Variants in STK3 observed in about 807,000 individuals in gnomAD.
The protein encoded by STK3 is serine/threonine-protein kinase 3.
In STK3, 41 loss-of-function variants were observed where a neutral mutation model predicts 58.0. That is an observed-to-expected ratio of 0.71 (90% confidence interval 0.55 to 0.92). The LOEUF is 0.92. Ranked by LOEUF, STK3 falls within the 40% of genes least tolerant of loss-of-function variation. STK3 has a pLI of 0.00. For missense variants in STK3, 479 were observed against 602.7 expected (o/e 0.79, Z 2.15); for synonymous variants, 170 against 191.0 (o/e 0.89, Z 0.91).
At position 98,713,695 on chromosome 8, in the gene STK3, G is replaced by A. The variant is rs185775421; in HGVS notation, c.352-6384C>T. Among the ~76,000 whole-genome samples the A allele has an allele frequency of 1.8e-3, 280 of 152,232 alleles. 1 individual carries two copies. The highest frequency in any genetic ancestry group is 6.4e-3 in the African/African-American group (265 of 41,538). ...GGATTCACAGCTGAATTCTACCAGA[G>A]GTACAAGGAGGAGCTGGTATCATTC... is the stretch of plus-strand genomic sequence containing the variant. On this transcript the variant is annotated intron_variant, in intron 4 of 10. Coordinates refer to ENST00000419617, the MANE Select transcript of STK3 (RefSeq NM_006281.4).
In STK3 at chr8:98,526,790, G is replaced by A. The variant is rs368603614; in HGVS notation, c.1269C>T (p.Asn423=). 24 of 1,586,906 alleles carry A rather than the reference G, an allele frequency of 1.5e-5. No homozygotes were observed. Among genetic ancestry groups the A allele is most frequent in the African/African-American group, 1.2e-4 (9 of 74,444 alleles). ...GAACTTTCCAGTTATCAGGAAAAACGTTTTTGGACATAGGGAAGGGTTCAT... is the reference window on the plus strand; with the variant it reads ...GAACTTTCCAGTTATCAGGAAAAACATTTTTGGACATAGGGAAGGGTTCAT... ...NMHEPFPMSK[N]VFPDNWKVPQ... The change falls in exon 10 of 11, where the codon AAC becomes AAT. Residue 423 remains asparagine, a synonymous_variant. Coordinates refer to ENST00000419617, the MANE Select transcript of STK3 (RefSeq NM_006281.4).
At position 98,632,923 on chromosome 8, in the gene STK3, T is replaced by C. The variant is rs1044201006; in HGVS notation, c.685-36754A>G. ...CTTCCCAGTTATTAAAAAATGCAAA[T>C]GAAAATTATGTACCCCAAATTTGTA... On this transcript the variant is annotated intron_variant, in intron 6 of 10. Coordinates refer to ENST00000419617, the MANE Select transcript of STK3 (RefSeq NM_006281.4). 7.1e-4 allele frequency among the ~76,000 whole-genome samples: 108 copies of C among 152,156 alleles called. 1 individual carries two copies. Among genetic ancestry groups the C allele is most frequent in the African/African-American group, 2.6e-3 (107 of 41,516 alleles).
chr8:98,398,904 TAAC>T (rs1238833490), downstream of STK3, among the ~76,000 whole-genome samples: 2 of 152,188 alleles, frequency 1.3e-5, no homozygotes, highest in Non-Finnish European at 2.9e-5. Context: ...CATCAACAGG[TAAC>T]AAAATATTTT....
rs71572029 is a variant in STK3, at chr8:98,903,487, GTTCTTCTTCTTC to G, written c.-78-19665_-78-19654del. ...TTATATTTCCACTTCAATTTAGGAAGTTCTTCTTCTTCTTCTTCTTCTTCTTCTTCTTCTTCT... is the reference window on the plus strand; with the variant it reads ...TTATATTTCCACTTCAATTTAGGAAGTTCTTCTTCTTCTTCTTCTTCTTCT... On this transcript the variant is annotated intron_variant, in intron 1 of 1. Coordinates refer to the STK3 transcript ENST00000519420. 2.0e-3 allele frequency among the ~76,000 whole-genome samples: 277 copies of G among 139,724 alleles called. 4 individuals are homozygous for G. Among genetic ancestry groups the G allele is most frequent in the Middle Eastern group, 3.8e-3 (1 of 266 alleles). The allele number at this position is 139,724 out of a possible 152,430, so 91.7% of individuals were successfully genotyped here.
intron 6 of STK3, among the ~76,000 whole-genome samples, chr8:98,652,123 C>G (rs1224745423): frequency 6.6e-6 from 1 of 152,220 alleles, no homozygotes; most frequent in East Asian, 1.9e-4. Context: ...CTCAGACCAA[C>G]AGCGGATCTC....
intron 6 of STK3, among the ~76,000 whole-genome samples, chr8:98,604,737 A>ATGAAATTTT (rs1816637454): frequency 6.6e-6 from 1 of 152,110 alleles, no homozygotes; most frequent in Non-Finnish European, 1.5e-5. Flanking sequence ...CTTTTCTACC[A>ATGAAATTTT]CATGGCTGGG....
In STK3 at chr8:98,428,478, G is replaced by A. The variant is rs765619596; in HGVS notation, n.483+5649C>T. 6.8e-6 allele frequency: 11 copies of A among 1,613,984 alleles called. No homozygotes were observed. The African/African-American group carries it at 1.1e-4, about 16-fold the overall frequency. On this transcript the variant is annotated intron_variant and non_coding_transcript_variant, in intron 3 of 3. Coordinates refer to the STK3 transcript ENST00000517832. This position sits in a 1 kb window ranked among gnomAD's most constrained non-coding sequence, Gnocchi z 6.7. ...CTCCAAGTTCGATGGGCAGCCCCTC[G>A]GCAACTTCCGCAGGCAGCTGTGGCT...
chr8:98,698,066 A>G (rs1189736535), intron 6 of STK3, among the ~76,000 whole-genome samples: 1 of 152,198 alleles, frequency 6.6e-6, no homozygotes, highest in Non-Finnish European at 1.5e-5. Flanking sequence ...GTGCATATAT[A>G]TTTAAGACAG....
chr8:98,435,419 A>C (rs1818451866), intron 2 of STK3, among the ~76,000 whole-genome samples: 1 of 152,222 alleles, frequency 6.6e-6, no homozygotes, highest in African/African-American at 2.4e-5. Context: ...GAAGAGCCTG[A>C]GCTTCATTCT....
intron 10 of STK3, among the ~76,000 whole-genome samples, chr8:98,524,587 T>C (rs980251440): frequency 6.6e-6 from 1 of 152,238 alleles, no homozygotes; most frequent in Admixed American, 6.5e-5. Context: ...TTCCTAAGTA[T>C]CTCATTCTTT....
At chr8:98,587,517 A>G (rs1380211939) in intron 7 of STK3, among the ~76,000 whole-genome samples, 3 of 152,146 alleles carry the variant, frequency 2.0e-5, no homozygotes, top group Non-Finnish European at 4.4e-5. Context: ...TTTACTTCAA[A>G]GTATGTGGTC....
intron 6 of STK3, among the ~76,000 whole-genome samples, chr8:98,631,548 C>A (rs1370865300): frequency 6.6e-6 from 1 of 152,198 alleles, no homozygotes; most frequent in African/African-American, 2.4e-5. Flanking sequence ...ATTAGACAGG[C>A]CTTTCTTGAC....
At chr8:98,508,581 T>C (rs2131394089) in intron 10 of STK3, among the ~76,000 whole-genome samples, 1 of 152,296 alleles carries the variant, frequency 6.6e-6, no homozygotes. Flanking sequence ...AAACTGTATA[T>C]GTACTAAACA....
intron 1 of STK3, among the ~76,000 whole-genome samples, chr8:98,885,101 T>G (rs1294198069): frequency 1.3e-5 from 2 of 152,260 alleles, no homozygotes; most frequent in Non-Finnish European, 2.9e-5. Flanking sequence ...TCATTGTAAC[T>G]GGCCACATTA....
the STK3 span, among the ~76,000 whole-genome samples, chr8:98,358,851 A>G: frequency 0.2 from 31,161 of 152,050 alleles, 3,417 homozygotes; most frequent in Middle Eastern, 0.35. Flanking sequence ...GGAGATAAGC[A>G]TCAAGAGGAA....
At chr8:98,652,536 C>A (rs1163107912) in intron 6 of STK3, among the ~76,000 whole-genome samples, 1 of 147,436 alleles carries the variant, frequency 6.8e-6, no homozygotes, top group Non-Finnish European at 1.5e-5. Flanking sequence ...CACAGACTGG[C>A]AAATTGGATA....
At position 98,941,529 on chromosome 8, in the gene STK3, T is replaced by C. The variant is rs78381322; in HGVS notation, c.-79+849A>G. 2.3e-3 allele frequency among the ~76,000 whole-genome samples: 354 copies of C among 152,364 alleles called. 9 individuals carry two copies. In the East Asian group the frequency reaches 0.049, roughly 21 times the overall value. On this transcript the variant is annotated intron_variant, in intron 1 of 1. Coordinates refer to the STK3 transcript ENST00000519420. ...GATAAGGTTTTCACATTGTATTCTT[T>C]AAAGATTAAAAGTTTCGAGGATCCG...
intron 1 of STK3, among the ~76,000 whole-genome samples, chr8:98,440,328 A>T (rs1292353791): frequency 3.3e-5 from 5 of 152,188 alleles, no homozygotes; most frequent in Non-Finnish European, 7.3e-5. Flanking sequence ...TCCATTTTTT[A>T]AAAATTTATT....
intron 3 of STK3, among the ~76,000 whole-genome samples, chr8:98,849,316 C>G (rs190910562): frequency 2.0e-5 from 3 of 152,044 alleles, no homozygotes; most frequent in Admixed American, 1.3e-4. Flanking sequence ...CACTAAAGCA[C>G]TAGCTATAGA....
Sources: gnomAD v4.1 joint callset for allele counts (sites outside exome capture counted in the v4.1 genomes callset) on GRCh38, gnomAD v4.1.1 for gene constraint, Gnocchi (gnomAD v3.1) non-coding constraint, MANE v1.5 for transcripts, NCBI Gene and HGNC (gene_info 2026-07-23, HGNC 2026-07-21) for gene names.